The following KIF7 variants were observed in gnomAD, a reference collection of about 807,000 sequenced individuals.
KIF7 encodes the protein kinesin family member 7, also known as kinesin-like protein KIF7.
KIF7 carries 104 observed loss-of-function variants against 135.7 expected under a neutral mutation model. The ratio of observed to expected loss-of-function variants is 0.77; its 90% CI spans 0.65 to 0.90. The LOEUF is 0.90. Among genes scored for constraint, KIF7 ranks in the 40% least tolerant of loss-of-function variants. The pLI is 0.00. For missense variants in KIF7, 2,005 were observed against 1,839.1 expected (o/e 1.09, Z -1.65); for synonymous variants, 883 against 809.4 (o/e 1.09, Z -1.54).
chr15:89,627,468 G>A (rs565360158), downstream of KIF7: 1 of 218,392 alleles, frequency 4.6e-6, no homozygotes, highest in Non-Finnish European at 9.0e-6. Flanking sequence ...CTGCTGTAAG[G>A]CTGGGCTGCT....
At chr15:89,626,054 C>T, downstream of KIF7, 2 of 1,613,828 alleles carry the variant, frequency 1.2e-6, no homozygotes, top group Non-Finnish European at 1.7e-6. Context: ...AGAGCAAAGA[C>T]CCCAGAGGTA....
the KIF7 span, among the ~76,000 whole-genome samples, chr15:89,661,001 G>A: frequency 1.3e-5 from 2 of 152,160 alleles, no homozygotes; most frequent in Non-Finnish European, 2.9e-5. Flanking sequence ...CAGAGCCATT[G>A]GGAGTACCAC....
chr15:89,648,414 G>C lies in KIF7; in HGVS notation c.1284C>G (p.Ala428=), dbSNP rs1355839257. ...CGGCGGCGCCGGGCAGCCCGGGCTC[G>C]GCCTGCAGCTCGCGCAAGAGGCTGT... The part of the protein sequence containing the change: ...AAYSLLRELQ[A]EPGLPGAAAR... The change falls in exon 5 of 19, where the codon GCC becomes GCG. Residue 428 remains alanine (A), a synonymous_variant. Transcript: ENST00000394412. 4 of 1,130,202 alleles carry C rather than the reference G, an allele frequency of 3.5e-6. No individual in the cohort carries two copies. Among genetic ancestry groups the C allele is most frequent in the South Asian group, 3.9e-5 (1 of 25,912 alleles). 70.0% of individuals were successfully genotyped at this position (1,130,202 alleles called of 1,614,324 possible). A position where few individuals can be genotyped will look rare whatever the true frequency, so the allele number is the denominator to read the frequency against.
intron 10 of KIF7, among the ~76,000 whole-genome samples, chr15:89,644,365 T>C (rs1190964937): frequency 1.3e-5 from 2 of 152,000 alleles, no homozygotes; most frequent in Admixed American, 6.6e-5. Flanking sequence ...GGCTGAAACA[T>C]TGCAGGCACT....
chr15:89,629,982 G>A (rs1455824221), intron 16 of KIF7: 1 of 527,444 alleles, frequency 1.9e-6, no homozygotes, highest in East Asian at 3.4e-5. Context: ...ACAACCAAAA[G>A]TATCTCCAGC....
rs1964064994 is a variant in KIF7 at position 89,648,663 on chromosome 15, G to A, written c.1035C>T (p.Arg345=). The change falls in exon 5 of 19, where the codon CGC becomes CGT. Residue 345 remains arginine, a synonymous_variant. Transcript: ENST00000394412. The stretch of plus-strand genomic sequence containing the variant: ...TGGCGCGGTTGCGGATGTTCTGGGC[G>A]CGGCTGGCGTAGTTGAGGGTGTTGA... ...ETLNTLNYAS[R]AQNIRNRATV... The A allele has an allele frequency of 6.5e-7, 1 of 1,535,828 alleles. No individual in the cohort carries two copies. The highest frequency in any genetic ancestry group is 1.4e-5 in the African/African-American group (1 of 73,134).
At chr15:89,650,057 A>G (rs1315033001) in intron 2 of KIF7, 116 bp from the exon 3 acceptor site, 5 of 1,100,912 alleles carry the variant, frequency 4.5e-6, no homozygotes. Flanking sequence ...AGGATGGAGA[A>G]GGCAGTGGCC....
upstream of KIF7, among the ~76,000 whole-genome samples, chr15:89,656,526 AG>A (rs1208609702): frequency 6.7e-6 from 1 of 149,788 alleles, no homozygotes; most frequent in Non-Finnish European, 1.5e-5. Flanking sequence ...ATCACTGTCA[AG>A]GGGATGGAAC....
chr15:89,623,480 C>A (rs941882917), downstream of KIF7: 39 of 856,646 alleles, frequency 4.6e-5, no homozygotes, highest in Non-Finnish European at 6.7e-5. Context: ...GAGAGGGAAA[C>A]GGGTCACTAT....
intron 11 of KIF7, among the ~76,000 whole-genome samples, chr15:89,636,033 TAAAG>T (rs1567061219): frequency 6.6e-6 from 1 of 151,996 alleles, no homozygotes; most frequent in African/African-American, 2.4e-5. Flanking sequence ...TCAACATTCT[TAAAG>T]AAAAGAATTT....
chr15:89,642,418 G>C lies in KIF7; in HGVS notation c.2192-13C>G, dbSNP rs201251064. 3.2e-6 allele frequency: 5 copies of C among 1,579,608 alleles called. No homozygotes were observed. The highest frequency in any genetic ancestry group is 4.3e-6 in the Non-Finnish European group (5 of 1,163,622). On this transcript the variant is annotated splice_polypyrimidine_tract_variant and intron_variant, in intron 10 of 18. Coordinates refer to ENST00000394412, the MANE Select transcript of KIF7 (RefSeq NM_198525.3). The stretch of plus-strand genomic sequence containing the variant: ...TGAGCTGCCTTTCCTGGAAGAAAGC[G>C]GGAATGTCAGCACAGGCAGCCCTGC...
chr15:89,657,234 C>T (rs766565924), upstream of KIF7, among the ~76,000 whole-genome samples: 1 of 145,052 alleles, frequency 6.9e-6, no homozygotes, highest in Non-Finnish European at 1.5e-5. Context: ...TGGCTTGAGC[C>T]TGGGAGGTGG....
intron 5 of KIF7, 86 bp from the exon 6 acceptor site, chr15:89,647,798 T>A: frequency 9.6e-7 from 1 of 1,044,988 alleles, no homozygotes. Context: ...CCCTGCTTTC[T>A]ATCTACTCTT....
In KIF7 at chr15:89,646,972, C is replaced by T. The variant is rs1222355686; in HGVS notation, c.1646G>A (p.Arg549Gln). ...CCCGGGAGGCAGGCCATTCAGGAGC[C>T]GCGGGCCCCCCCAGCCTGGCCGCAC... ...ELVRPGWGGP[R>Q]LLNGLPPGSF... Residue 549 changes from arginine (R) to glutamine (Q), a missense_variant, in exon 7 of 19, where the codon CGG becomes CAG. By Grantham distance (43) the Arg-to-Gln change is conservative (BLOSUM62 1). Transcript: ENST00000394412. 1.4e-5 allele frequency: 23 copies of T among 1,613,224 alleles called. No individual in the cohort carries two copies. Among genetic ancestry groups the T allele is most frequent in the Non-Finnish European group, 1.9e-5 (23 of 1,179,742 alleles).
chr15:89,649,895 G>C lies in KIF7; in HGVS notation c.375C>G (p.Ala125=), dbSNP rs370413810. Residue 125 remains alanine (A), a synonymous_variant, in exon 3 of 19, where the codon GCC becomes GCG. Transcript: ENST00000394412. ...TCTCATCGATGAGCTTGAAGGCCTC[G>C]GCCATGGCCCTCGGGACAATGCCCT... The part of the protein sequence containing the change: ...DEQGIVPRAM[A]EAFKLIDEND... The C allele has an allele frequency of 6.4e-6, 10 of 1,551,718 alleles. No homozygotes were observed. The highest frequency in any genetic ancestry group is 2.0e-5 in the Admixed American group (1 of 51,018).
At chr15:89,648,881 C>T in intron 4 of KIF7, 93 bp downstream of exon 4, 2 of 1,463,870 alleles carry the variant, frequency 1.4e-6, no homozygotes, top group Non-Finnish European at 1.8e-6. Context: ...GGCTGGAGAC[C>T]TCAGGGGACC....
chr15:89,634,687 G>A (rs1217182177), intron 11 of KIF7, among the ~76,000 whole-genome samples: 3 of 152,254 alleles, frequency 2.0e-5, no homozygotes, highest in African/African-American at 7.2e-5. Flanking sequence ...CGCCCACAGA[G>A]TCTGGCTGAT....
chr15:89,621,528 C>T lies in KIF7; in HGVS notation c.181-3333G>A, dbSNP rs200110647. On this transcript the variant is annotated intron_variant and NMD_transcript_variant, in intron 1 of 2. Transcript: ENST00000558928. ...AAGCGTTCAAGAAACACTTTGGATT[C>T]GGAGGTACCTGCAGCTTACCAGGTA... 1.4e-4 allele frequency: 219 copies of T among 1,613,022 alleles called. No homozygotes were observed. The Middle Eastern group carries it at 2.5e-3, about 18-fold the overall frequency.
chr15:89,629,384 G>A lies in KIF7; in HGVS notation c.3508C>T (p.Gln1170Ter), dbSNP rs2141993907. 1 of 1,597,210 alleles carries A rather than the reference G, an allele frequency of 6.3e-7. No individual in the cohort carries two copies. Among genetic ancestry groups the A allele is most frequent in the Non-Finnish European group, 8.5e-7 (1 of 1,176,338 alleles). The change falls in exon 17 of 19, where the codon CAG (glutamine) becomes TAG (stop). Residue 1170 changes from glutamine (Q) to a stop codon, truncating the protein, a stop_gained. Transcript: ENST00000394412. LOFTEE classifies it high-confidence loss of function. Reference protein sequence around the residue: ...HEQNMQLLLQQSRDHLGEGLA... With the variant: ...HEQNMQLLLQ ...GGGCCGGGCTGCTCACCTCGACTCT[G>A]CTGCAGGAGCAGCTGCATGTTCTGC...
Sources: allele counts gnomAD v4.1 joint callset (sites outside exome capture counted in the v4.1 genomes callset), GRCh38; gene constraint gnomAD v4.1.1; transcripts MANE v1.5; gene names NCBI Gene and HGNC (gene_info 2026-07-23, HGNC 2026-07-21).